Variants in STAG1 observed in about 807,000 individuals in gnomAD.
The protein encoded by STAG1 is STAG1 cohesin complex component.
Under a neutral mutation model 170.9 loss-of-function variants are expected in STAG1, and 26 were observed. That is an observed-to-expected ratio of 0.15 (90% CI 0.11 to 0.21). The LOEUF is 0.21. Ranked by LOEUF, STAG1 falls within the 10% of genes least tolerant of loss-of-function variation. STAG1 has a pLI of 1.00. For synonymous variants in STAG1, 514 were observed against 497.7 expected, an observed-to-expected ratio of 1.03 and a Z score of -0.44; for missense variants, 964 against 1,509.5, an observed-to-expected ratio of 0.64 and a Z score of 5.99.
intron 4 of STAG1, among the ~76,000 whole-genome samples, chr3:136,588,736 T>A (rs1937979185): frequency 6.6e-6 from 1 of 152,068 alleles, no homozygotes; most frequent in Non-Finnish European, 1.5e-5. Context: ...CAAGTGATTC[T>A]GCTGCCCAGC....
intron 4 of STAG1, among the ~76,000 whole-genome samples, chr3:136,573,226 G>A (rs557403656): frequency 6.6e-6 from 1 of 151,980 alleles, no homozygotes; most frequent in East Asian, 1.9e-4. Context: ...ACTTCAAGGA[G>A]TCATGTATGA....
At chr3:136,469,800 G>C (rs184248792) in intron 12 of STAG1, among the ~76,000 whole-genome samples, 28 of 152,044 alleles carry the variant, frequency 1.8e-4, no homozygotes, top group Admixed American at 4.6e-4. Context: ...TAGACCAATG[G>C]AACAGAACAG....
intron 13 of STAG1, among the ~76,000 whole-genome samples, chr3:136,462,747 T>G (rs753124907): frequency 1.6e-4 from 24 of 152,226 alleles, no homozygotes; most frequent in Middle Eastern, 3.2e-3. Flanking sequence ...CCATTACACA[T>G]TAGGTGCATG....
At chr3:136,622,082 G>C (rs1487313564) in intron 3 of STAG1, among the ~76,000 whole-genome samples, 7 of 138,320 alleles carry the variant, frequency 5.1e-5, no homozygotes, top group Non-Finnish European at 1.1e-4. Flanking sequence ...TGGATCACCT[G>C]ATGTCAAGAG....
intron 13 of STAG1, among the ~76,000 whole-genome samples, chr3:136,464,458 T>C (rs2089393006): frequency 6.6e-6 from 1 of 151,070 alleles, no homozygotes; most frequent in South Asian, 2.1e-4. Flanking sequence ...ATCATCATAA[T>C]GGAAAGAATG....
chr3:136,356,148 C>T (rs768040702), intron 28 of STAG1, among the ~76,000 whole-genome samples: 4 of 151,870 alleles, frequency 2.6e-5, no homozygotes, highest in Non-Finnish European at 4.4e-5. Flanking sequence ...CCTCAGCCTC[C>T]GGAATAGCTG....
intron 4 of STAG1, among the ~76,000 whole-genome samples, chr3:136,575,067 A>G (rs915317863): frequency 6.6e-6 from 1 of 152,240 alleles, no homozygotes; most frequent in African/African-American, 2.4e-5. Context: ...AAAATTTTAA[A>G]AAACTGAATA....
chr3:136,486,991 T>A lies in STAG1; in HGVS notation c.903-9579A>T, dbSNP rs545796528. Among the ~76,000 whole-genome samples the A allele has an allele frequency of 8.5e-4, 120 of 140,712 alleles. 1 individual carries two copies. The highest frequency in any genetic ancestry group is 5.5e-3 in the South Asian group (23 of 4,214). The allele number at this position is 140,712 out of a possible 152,430, so 92.3% of individuals were successfully genotyped here. A position where few individuals can be genotyped will look rare whatever the true frequency, so the allele number is the denominator to read the frequency against. ...TCTGTATGCAATGCCGATTTTTTTT[T>A]ATTTCTTCAAAAAAAAAAAAAAAAA... On this transcript the variant is annotated intron_variant, in intron 9 of 33. Coordinates refer to ENST00000383202, the MANE Select transcript of STAG1 (RefSeq NM_005862.3).
At chr3:136,605,863 G>C (rs1576658350) in intron 3 of STAG1, among the ~76,000 whole-genome samples, 1 of 152,170 alleles carries the variant, frequency 6.6e-6, no homozygotes, top group East Asian at 1.9e-4. Flanking sequence ...GCATAGCTTG[G>C]AGGGGCTTCT....
chr3:136,595,676 CAATAAATAAATAAATAAATAAATA>C (rs59472050), intron 4 of STAG1, among the ~76,000 whole-genome samples: 34 of 127,432 alleles, frequency 2.7e-4, no homozygotes, highest in East Asian at 1.1e-3. Flanking sequence ...GACTCCATCT[CAATAAATAAATAAATAAATAAATA>C]AATAAATAAA....
chr3:136,621,636 G>A (rs978390803), intron 3 of STAG1, among the ~76,000 whole-genome samples: 2 of 152,068 alleles, frequency 1.3e-5, no homozygotes, highest in African/African-American at 4.8e-5. Flanking sequence ...AATAAAAGTA[G>A]AGGATAAAAG....
chr3:136,529,094 G>T (rs1463393844), intron 6 of STAG1, among the ~76,000 whole-genome samples: 1 of 152,048 alleles, frequency 6.6e-6, no homozygotes, highest in Non-Finnish European at 1.5e-5. Flanking sequence ...CCTGAACACA[G>T]GTCTTCTGAA....
intron 1 of STAG1, among the ~76,000 whole-genome samples, chr3:136,651,329 G>T (rs1172788826): frequency 2.0e-5 from 3 of 147,308 alleles, no homozygotes; most frequent in African/African-American, 7.6e-5. Context: ...TTATGTCACT[G>T]CACTCCAGCC....
intron 23 of STAG1, among the ~76,000 whole-genome samples, chr3:136,371,682 T>G (rs2108298221): frequency 6.6e-6 from 1 of 152,320 alleles, no homozygotes. Context: ...GCGGCATTAT[T>G]TCTGAGGGCT....
chr3:136,675,630 A>C (rs1942107862), intron 1 of STAG1, among the ~76,000 whole-genome samples: 1 of 152,176 alleles, frequency 6.6e-6, no homozygotes, highest in Non-Finnish European at 1.5e-5. Context: ...AATTTGCATA[A>C]CCATTACCAC....
At chr3:136,693,755 A>T (rs1359071315) in intron 1 of STAG1, among the ~76,000 whole-genome samples, 3 of 151,504 alleles carry the variant, frequency 2.0e-5, no homozygotes, top group East Asian at 3.9e-4. Context: ...TTTTTTTAAG[A>T]GACGGGGTCT....
At position 136,470,588 on chromosome 3, in the gene STAG1, A is replaced by G. The variant is rs185641203; in HGVS notation, c.1205+1825T>C. Among the ~76,000 whole-genome samples the G allele has an allele frequency of 3.0e-4, 45 of 152,304 alleles. No homozygotes were observed. The Middle Eastern group carries it at 0.01, about 35-fold the overall frequency. On this transcript the variant is annotated intron_variant, in intron 12 of 33. Coordinates refer to ENST00000383202, the MANE Select transcript of STAG1 (RefSeq NM_005862.3). ...TGGAAGACAGTGTGGCGATTCCTCAAGGATCTAGAACTAGAAATACCATTT... is the reference window on the plus strand; with the variant it reads ...TGGAAGACAGTGTGGCGATTCCTCAGGGATCTAGAACTAGAAATACCATTT...
intron 5 of STAG1, among the ~76,000 whole-genome samples, chr3:136,542,749 G>A (rs1304729018): frequency 2.0e-5 from 3 of 151,754 alleles, no homozygotes; most frequent in African/African-American, 7.3e-5. Context: ...TATTAATGAC[G>A]ATGGTGGTGG....
At chr3:136,743,378 A>T (rs561856331) in intron 1 of STAG1, among the ~76,000 whole-genome samples, 15 of 151,448 alleles carry the variant, frequency 9.9e-5, no homozygotes, top group South Asian at 4.1e-4. Flanking sequence ...CAAAAAAAAA[A>T]AATAATAATA....
Sources: allele counts gnomAD v4.1 joint callset (sites outside exome capture counted in the v4.1 genomes callset), GRCh38; gene constraint gnomAD v4.1.1; transcripts MANE v1.5; gene names NCBI Gene and HGNC (gene_info 2026-07-23, HGNC 2026-07-21).